PBLD: variants seen among roughly 807,000 people sequenced by gnomAD.
PBLD encodes phenazine biosynthesis-like domain-containing protein.
Under a neutral mutation model 31.3 loss-of-function variants are expected in PBLD, and 26 were observed. That is an observed-to-expected ratio of 0.83 (90% confidence interval 0.61 to 1.15). PBLD has a LOEUF of 1.15. Among genes scored for constraint, PBLD ranks in the 50% most tolerant of loss-of-function variants. PBLD has a pLI of 0.00. For missense variants in PBLD, 307 were observed against 351.7 expected (o/e 0.87, Z 1.02); for synonymous variants, 114 against 129.0 (o/e 0.88, Z 0.79).
chr10:68,303,269 T>G (rs1273815857), intron 2 of PBLD, among the ~76,000 whole-genome samples: 1 of 151,820 alleles, frequency 6.6e-6, no homozygotes. Context: ...CCTTGGCTAA[T>G]TTGACGGGGT....
intron 1 of PBLD, among the ~76,000 whole-genome samples, chr10:68,314,492 A>G (rs905606375): frequency 6.6e-5 from 10 of 152,198 alleles, no homozygotes; most frequent in African/African-American, 2.4e-4. Flanking sequence ...GATAGCTACT[A>G]GAAGGGACAG....
intron 1 of PBLD, among the ~76,000 whole-genome samples, chr10:68,327,511 C>T (rs773064052): frequency 2.6e-5 from 4 of 151,834 alleles, no homozygotes; most frequent in Non-Finnish European, 5.9e-5. Context: ...AACCCCGTCT[C>T]TACTAAAAAT....
chr10:68,324,645 G>T (rs2044887231), intron 1 of PBLD, among the ~76,000 whole-genome samples: 1 of 147,306 alleles, frequency 6.8e-6, no homozygotes, highest in Non-Finnish European at 1.5e-5. Flanking sequence ...TAGAGACAGG[G>T]TGTCACTCGC....
rs569056749 is a variant in PBLD, at chr10:68,329,892, T to C, written c.-60+2892A>G. ...GGCCCTTGGGTAAAACCCTATGGGCTCCAATTCTAGCTCTACCACTCAACT... is the reference window on the plus strand; with the variant it reads ...GGCCCTTGGGTAAAACCCTATGGGCCCCAATTCTAGCTCTACCACTCAACT... On this transcript the variant is annotated intron_variant, in intron 1 of 9. Coordinates refer to ENST00000358769, the MANE Select transcript of PBLD (RefSeq NM_022129.4). Among the ~76,000 whole-genome samples, 3 of 152,282 alleles carry C rather than the reference T, an allele frequency of 2.0e-5. No individual in the cohort carries two copies. In the East Asian group the frequency reaches 5.8e-4, roughly 29 times the overall value.
intron 1 of PBLD, among the ~76,000 whole-genome samples, chr10:68,316,933 A>G (rs903090050): frequency 3.3e-5 from 5 of 152,208 alleles, no homozygotes; most frequent in African/African-American, 1.2e-4. Flanking sequence ...GAATCGCTTG[A>G]GACCCGGAGA....
At chr10:68,325,086 A>G (rs1162448482) in intron 1 of PBLD, among the ~76,000 whole-genome samples, 4 of 151,672 alleles carry the variant, frequency 2.6e-5, no homozygotes, top group Non-Finnish European at 5.9e-5. Flanking sequence ...TCTACTGAAA[A>G]TACAAAAAGT....
chr10:68,314,776 T>C (rs1385228808), intron 1 of PBLD, among the ~76,000 whole-genome samples: 4 of 151,972 alleles, frequency 2.6e-5, no homozygotes, highest in Non-Finnish European at 5.9e-5. Context: ...TTTTGTATTA[T>C]TTTTAATTTA....
At chr10:68,285,295 C>T (rs367706026) in intron 9 of PBLD, 53 bp downstream of exon 9, 6 of 1,613,708 alleles carry the variant, frequency 3.7e-6, no homozygotes, top group Non-Finnish European at 5.1e-6. Context: ...TGAGAAGGAA[C>T]ACTAGCTTCG....
intron 1 of PBLD, among the ~76,000 whole-genome samples, chr10:68,322,603 G>A (rs1270488924): frequency 6.6e-6 from 1 of 150,510 alleles, no homozygotes; most frequent in Non-Finnish European, 1.5e-5. Flanking sequence ...GATCGAGGCT[G>A]CAATAAGCCA....
chr10:68,311,876 C>T (rs1452615748), intron 1 of PBLD, among the ~76,000 whole-genome samples: 3 of 152,118 alleles, frequency 2.0e-5, no homozygotes, highest in Admixed American at 6.5e-5. Flanking sequence ...CCCCCATAAT[C>T]GTGTGGCTGG....
intron 1 of PBLD, among the ~76,000 whole-genome samples, chr10:68,319,128 GAGA>G (rs2044792890): frequency 7.2e-6 from 1 of 138,136 alleles, no homozygotes; most frequent in East Asian, 2.3e-4. Context: ...GAAAGAAAGA[GAGA>G]AGGAGAAATA....
At position 68,318,175 on chromosome 10, in the gene PBLD, C is replaced by A. The variant is rs866743392; in HGVS notation, c.-59-11272G>T. 4.6e-5 allele frequency among the ~76,000 whole-genome samples: 7 copies of A among 151,640 alleles called. No individual in the cohort carries two copies. The South Asian group carries it at 1.5e-3, about 32-fold the overall frequency. The stretch of plus-strand genomic sequence containing the variant: ...CTGGGAGGCGGAGTTTGCAGTGAGC[C>A]GAGATCAAGCCACTGCACTCCAGCC... On this transcript the variant is annotated intron_variant, in intron 1 of 9. Coordinates refer to ENST00000358769, the MANE Select transcript of PBLD (RefSeq NM_022129.4).
chr10:68,289,021 T>C lies in PBLD; in HGVS notation c.424-2A>G, dbSNP rs771158569. Reference sequence around the variant, plus strand: ...GACCAGTGTGTTGCCTATGGCAGTCTGTGGAGACAGACCAAAAACTCCTCA... The same window carrying C: ...GACCAGTGTGTTGCCTATGGCAGTCCGTGGAGACAGACCAAAAACTCCTCA... On this transcript the variant is annotated splice_acceptor_variant, in intron 6 of 9. Coordinates refer to ENST00000358769, the MANE Select transcript of PBLD (RefSeq NM_022129.4). LOFTEE classifies it high-confidence loss of function. 1.9e-6 allele frequency: 3 copies of C among 1,613,432 alleles called. No individual in the cohort carries two copies. The East Asian group carries it at 6.7e-5, about 36-fold the overall frequency.
At chr10:68,313,735 T>C (rs1283086332) in intron 1 of PBLD, among the ~76,000 whole-genome samples, 1 of 152,158 alleles carries the variant, frequency 6.6e-6, no homozygotes, top group African/African-American at 2.4e-5. Flanking sequence ...CTTCAGAAAA[T>C]AGATTATAAA....
intron 9 of PBLD, among the ~76,000 whole-genome samples, chr10:68,284,894 TG>T (rs1264719213): frequency 6.6e-6 from 1 of 152,242 alleles, no homozygotes; most frequent in Non-Finnish European, 1.5e-5. Flanking sequence ...CCTCCTTGGA[TG>T]ATCAGGGCAG....
chr10:68,329,898 T>C (rs1392643924), intron 1 of PBLD, among the ~76,000 whole-genome samples: 1 of 152,166 alleles, frequency 6.6e-6, no homozygotes, highest in African/African-American at 2.4e-5. Flanking sequence ...GGGCTCCAAT[T>C]CTAGCTCTAC....
chr10:68,309,819 A>AG (rs71009042), intron 1 of PBLD, among the ~76,000 whole-genome samples: 32,541 of 124,548 alleles, frequency 0.26, 5,473 homozygotes, highest in Non-Finnish European at 0.36. Context: ...AAAAAAAAAA[A>AG]AAAGAAAGAA....
intron 4 of PBLD, among the ~76,000 whole-genome samples, chr10:68,295,313 C>T (rs1232388866): frequency 6.6e-6 from 1 of 151,052 alleles, no homozygotes; most frequent in Non-Finnish European, 1.5e-5. Flanking sequence ...GGCAACATAG[C>T]AAAACCCTGT....
At chr10:68,291,133 C>A (rs773405535) in intron 6 of PBLD, among the ~76,000 whole-genome samples, 6 of 152,190 alleles carry the variant, frequency 3.9e-5, no homozygotes, top group Non-Finnish European at 8.8e-5. Flanking sequence ...CATGACAGCC[C>A]TTGCCCTGGT....
Sources: gnomAD v4.1 joint callset for allele counts (sites outside exome capture counted in the v4.1 genomes callset) on GRCh38, gnomAD v4.1.1 for gene constraint, MANE v1.5 for transcripts, NCBI Gene and HGNC (gene_info 2026-07-23, HGNC 2026-07-21) for gene names.